The following TRA2A variants were observed in gnomAD, a reference collection of about 807,000 sequenced individuals.
TRA2A encodes transformer-2 protein homolog alpha.
TRA2A carries 31 observed loss-of-function variants against 45.7 expected under a neutral mutation model. The ratio of observed to expected loss-of-function variants is 0.68; its 90% confidence interval spans 0.51 to 0.92. The LOEUF (loss-of-function observed/expected upper bound fraction) is 0.92. Among genes scored for constraint, TRA2A ranks in the 40% least tolerant of loss-of-function variants. The pLI, the probability that TRA2A is intolerant of heterozygous loss-of-function variation, is 0.00. For synonymous variants in TRA2A, 132 were observed against 126.2 expected (o/e 1.05, Z -0.31); for missense variants, 304 against 367.5 (o/e 0.83, Z 1.41).
chr7:23,507,985 AC>A lies in TRA2A; in HGVS notation c.526-451del, dbSNP rs1426867372. Among the ~76,000 whole-genome samples, 11 of 152,174 alleles carry A rather than the reference AC, an allele frequency of 7.2e-5. 1 individual carries two copies. Among genetic ancestry groups the A allele is most frequent in the Admixed American group, 2.0e-4 (3 of 15,262 alleles). On this transcript the variant is annotated intron_variant, in intron 4 of 7. Transcript: ENST00000297071. The stretch of plus-strand genomic sequence containing the variant: ...TTTCTAGTCTCCAGCGATTTCACTT[AC>A]AAAGACTGACTTCAGAACATTAAAA...
chr7:23,506,869 G>C (rs972835017), intron 5 of TRA2A, among the ~76,000 whole-genome samples: 2 of 152,094 alleles, frequency 1.3e-5, no homozygotes, highest in African/African-American at 4.8e-5. Context: ...CCTGCCTCCG[G>C]GGTTCATGCC....
intron 1 of TRA2A, among the ~76,000 whole-genome samples, chr7:23,526,356 TATGA>T (rs1398827635): frequency 6.6e-6 from 1 of 152,236 alleles, no homozygotes; most frequent in Non-Finnish European, 1.5e-5. Flanking sequence ...AGTCCAAGTC[TATGA>T]GTATAAGCTT....
At position 23,516,369 on chromosome 7, in the gene TRA2A, G is replaced by A. The variant is rs140766941; in HGVS notation, c.330C>T (p.Gly110=). Residue 110 remains glycine (G), a synonymous_variant, in exon 3 of 8, where the codon GGC becomes GGT. Coordinates refer to ENST00000297071, the MANE Select transcript of TRA2A (RefSeq NM_013293.5). The part of the protein sequence containing the change: ...SPMSNRRRHT[G]SRANPDPNTC... ...ACTTTTATAAACCACGTACCCTGCT[G>A]CCAGTATGTCTTCTCCGGTTAGACA... The A allele has an allele frequency of 1.5e-5, 25 of 1,614,058 alleles. No individual in the cohort carries two copies. The African/African-American group carries it at 3.2e-4, about 21-fold the overall frequency.
intron 1 of TRA2A, chr7:23,531,127 C>T (rs1466162380): frequency 1.4e-6 from 1 of 721,662 alleles, no homozygotes; most frequent in East Asian, 1.3e-4. Flanking sequence ...CGTAGTTTCC[C>T]CTCACAGCTC....
chr7:23,508,749 C>T (rs1423216507), intron 4 of TRA2A, among the ~76,000 whole-genome samples: 2 of 152,132 alleles, frequency 1.3e-5, no homozygotes, highest in Non-Finnish European at 2.9e-5. Context: ...CTGCCTTGGC[C>T]TCCCAAAGTG....
At chr7:23,525,878 G>A (rs941072381) in intron 1 of TRA2A, among the ~76,000 whole-genome samples, 1 of 152,168 alleles carries the variant, frequency 6.6e-6, no homozygotes, top group African/African-American at 2.4e-5. Context: ...TTACAGGCAT[G>A]AGCCACTGCA....
chr7:23,516,832 G>A (rs1259992285), intron 2 of TRA2A, among the ~76,000 whole-genome samples: 5 of 151,998 alleles, frequency 3.3e-5, no homozygotes, highest in African/African-American at 9.7e-5. Context: ...AATCGTGGCC[G>A]GGTGCGGTGG....
At chr7:23,528,872 C>T (rs1430227260) in intron 1 of TRA2A, among the ~76,000 whole-genome samples, 1 of 151,992 alleles carries the variant, frequency 6.6e-6, no homozygotes, top group African/African-American at 2.4e-5. Context: ...ACTCAAGAAG[C>T]CAGAAGAAAT....
intron 5 of TRA2A, among the ~76,000 whole-genome samples, chr7:23,506,913 C>T (rs1789363962): frequency 1.3e-5 from 2 of 152,070 alleles, no homozygotes; most frequent in African/African-American, 4.8e-5. Context: ...GTAGCTGGGA[C>T]TACAGGTGCC....
chr7:23,526,181 C>T (rs1185883611), intron 1 of TRA2A, among the ~76,000 whole-genome samples: 3 of 152,158 alleles, frequency 2.0e-5, no homozygotes, highest in African/African-American at 7.2e-5. Flanking sequence ...GCAATAACTG[C>T]AGTCTTTTAA....
chr7:23,505,837 A>G, intron 6 of TRA2A, 24 bp from the exon 7 acceptor site: 1 of 1,399,394 alleles, frequency 7.1e-7, no homozygotes. Flanking sequence ...AAGATTACTT[A>G]GCATACTATA....
At chr7:23,510,705 T>A (rs757589390) in intron 4 of TRA2A, among the ~76,000 whole-genome samples, 1 of 152,166 alleles carries the variant, frequency 6.6e-6, no homozygotes, top group Non-Finnish European at 1.5e-5. Flanking sequence ...TTAAAAAATA[T>A]TAATAATAAA....
intron 3 of TRA2A, among the ~76,000 whole-genome samples, chr7:23,516,045 A>C (rs1196758084): frequency 6.6e-6 from 1 of 151,922 alleles, no homozygotes; most frequent in Non-Finnish European, 1.5e-5. Flanking sequence ...GGTGGTGCAC[A>C]CCTGCAACCC....
intron 4 of TRA2A, 65 bp from the exon 5 acceptor site, chr7:23,507,600 A>C: frequency 1.8e-6 from 2 of 1,142,202 alleles, no homozygotes; most frequent in Non-Finnish European, 2.6e-6. Flanking sequence ...ATTACTTAAA[A>C]TTAAGCACAA....
chr7:23,516,524 T>A lies in TRA2A; in HGVS notation c.175A>T (p.Arg59Trp). 6.2e-7 allele frequency: 1 copy of A among 1,613,770 alleles called. No homozygotes were observed. The highest frequency in any genetic ancestry group is 8.5e-7 in the Non-Finnish European group (1 of 1,179,890). ...HSRSRSKSRSRSRRHSHRRYT... is the reference protein window; with the variant it reads ...HSRSRSKSRSWSRRHSHRRYT... ...CGTCTATGAGAATGTCTCCTTGACCTCGACCTTTGAGAGAAATACATTTAG... is the reference window on the plus strand; with the variant it reads ...CGTCTATGAGAATGTCTCCTTGACCACGACCTTTGAGAGAAATACATTTAG... The change falls in exon 3 of 8, where the codon AGG becomes TGG. Residue 59 changes from arginine to tryptophan, a missense_variant. Physicochemically the swap from Arg to Trp is moderately radical, Grantham distance 101. Around this residue, in one of 3 missense-constraint regions of TRA2A, gnomAD observed 132 missense variants for 113.4 expected, o/e 1.16. Transcript: ENST00000297071.
intron 5 of TRA2A, 131 bp from the exon 6 acceptor site, chr7:23,506,397 T>C: frequency 8.6e-7 from 1 of 1,163,382 alleles, no homozygotes; most frequent in East Asian, 2.6e-5. Context: ...TGCCTCCGTA[T>C]CTCATTTTAC....
At chr7:23,525,140 T>C (rs1296669009) in intron 1 of TRA2A, among the ~76,000 whole-genome samples, 2 of 152,230 alleles carry the variant, frequency 1.3e-5, no homozygotes, top group East Asian at 3.8e-4. Context: ...AATGTCACTT[T>C]CACTGAACTC....
intron 1 of TRA2A, among the ~76,000 whole-genome samples, chr7:23,528,690 CAG>C (rs1455911101): frequency 6.7e-6 from 1 of 149,402 alleles, no homozygotes; most frequent in African/African-American, 2.5e-5. Context: ...TTTTTCGAGA[CAG>C]AGTCTTGCTC....
chr7:23,506,492 C>G (rs1000509386), intron 5 of TRA2A: 2 of 462,316 alleles, frequency 4.3e-6, no homozygotes, highest in Non-Finnish European at 7.5e-6. Context: ...CTATTAACTG[C>G]TTTTCTACTA....
Sources: allele counts gnomAD v4.1 joint callset (sites outside exome capture counted in the v4.1 genomes callset), GRCh38; gene constraint gnomAD v4.1.1; regional missense constraint gnomAD v4.1.1; transcripts MANE v1.5; gene names NCBI Gene and HGNC (gene_info 2026-07-23, HGNC 2026-07-21).